Variants in WDR64 observed in about 807,000 individuals in gnomAD.
The protein encoded by WDR64 is WD repeat-containing protein 64.
In WDR64, 112 loss-of-function variants were observed where a neutral mutation model predicts 139.3. That is an observed-to-expected ratio of 0.80 (90% CI 0.69 to 0.94). The LOEUF (loss-of-function observed/expected upper bound fraction) is 0.94. Ranked by LOEUF, WDR64 falls within the 40% of genes least tolerant of loss-of-function variation. The probability of loss-of-function intolerance (pLI) is 0.00; values close to 1 mark genes in which losing one functional copy is unlikely to be tolerated. For missense variants in WDR64, 1,206 were observed against 1,293.1 expected (o/e 0.93, Z 1.03); for synonymous variants, 444 against 437.7 (o/e 1.01, Z -0.18).
chr1:241,775,062 T>TA, intron 20 of WDR64, 43 bp from the exon 21 acceptor site: 1 of 1,445,208 alleles, frequency 6.9e-7, no homozygotes, highest in Non-Finnish European at 9.4e-7. Context: ...TTATAAGACT[T>TA]ACTAGCAAAG....
chr1:241,758,314 CT>C (rs34461998), intron 15 of WDR64, among the ~76,000 whole-genome samples: 22,179 of 145,592 alleles, frequency 0.15, 1,756 homozygotes, highest in African/African-American at 0.19. Flanking sequence ...GACCAGTTGT[CT>C]TTTTTTTTTT....
At chr1:241,751,825 A>G (rs1025519134) in intron 14 of WDR64, among the ~76,000 whole-genome samples, 2 of 152,222 alleles carry the variant, frequency 1.3e-5, no homozygotes, top group African/African-American at 2.4e-5. Flanking sequence ...CTTCATAGAA[A>G]ACAAGAGAAG....
chr1:241,663,561 A>G (rs189388943), intron 2 of WDR64, among the ~76,000 whole-genome samples: 66 of 152,350 alleles, frequency 4.3e-4, no homozygotes, highest in Admixed American at 4.3e-3. Flanking sequence ...CTGGGGTTCG[A>G]AGAATCTAGG....
intron 8 of WDR64, among the ~76,000 whole-genome samples, chr1:241,709,482 G>T (rs1367583055): frequency 1.3e-5 from 2 of 152,068 alleles, no homozygotes; most frequent in Non-Finnish European, 2.9e-5. Context: ...AGGTGCAGGG[G>T]CTCATACTAT....
intron 14 of WDR64, among the ~76,000 whole-genome samples, chr1:241,754,445 G>A (rs1464035730): frequency 6.6e-5 from 10 of 150,614 alleles, no homozygotes; most frequent in African/African-American, 9.8e-5. Flanking sequence ...TCAGCCTCCC[G>A]AGTAGCTGGG....
At chr1:241,780,605 CT>C (rs545506619) in intron 22 of WDR64, among the ~76,000 whole-genome samples, 23 of 152,006 alleles carry the variant, frequency 1.5e-4, no homozygotes, top group African/African-American at 4.8e-4. Context: ...TAAATAGATA[CT>C]TTTTTTTGGA....
intron 10 of WDR64, among the ~76,000 whole-genome samples, chr1:241,728,334 G>A (rs6690965): frequency 0.43 from 64,876 of 150,062 alleles, 13,999 homozygotes; most frequent in South Asian, 0.48. Flanking sequence ...CTCAGTCTCA[G>A]AAAAGAAGAA....
At chr1:241,653,250 G>T (rs886246659) in intron 1 of WDR64, among the ~76,000 whole-genome samples, 1 of 152,144 alleles carries the variant, frequency 6.6e-6, no homozygotes, top group African/African-American at 2.4e-5. Flanking sequence ...AAAGCTACAT[G>T]GCAGAGTGAA....
At chr1:241,662,181 A>G (rs1665857570) in intron 2 of WDR64, among the ~76,000 whole-genome samples, 1 of 152,230 alleles carries the variant, frequency 6.6e-6, no homozygotes, top group Admixed American at 6.5e-5. Context: ...CTACTGTACT[A>G]AATTATCATA....
intron 8 of WDR64, among the ~76,000 whole-genome samples, chr1:241,701,360 A>G (rs1667705551): frequency 6.6e-6 from 1 of 152,178 alleles, no homozygotes; most frequent in Non-Finnish European, 1.5e-5. Flanking sequence ...TTTTTTTCAA[A>G]ATGCATATTT....
At chr1:241,793,101 C>T (rs2148330606) in intron 25 of WDR64, among the ~76,000 whole-genome samples, 1 of 152,252 alleles carries the variant, frequency 6.6e-6, no homozygotes, top group South Asian at 2.1e-4. Context: ...TTTGAAGCAA[C>T]TATTGAATGA....
At chr1:241,738,881 G>C (rs1402652367) in intron 11 of WDR64, among the ~76,000 whole-genome samples, 1 of 152,192 alleles carries the variant, frequency 6.6e-6, no homozygotes, top group East Asian at 1.9e-4. Context: ...GAAGTGGGAT[G>C]TATGTAACTT....
intron 10 of WDR64, among the ~76,000 whole-genome samples, chr1:241,724,480 G>A (rs1201531052): frequency 6.6e-6 from 1 of 152,144 alleles, no homozygotes; most frequent in Non-Finnish European, 1.5e-5. Flanking sequence ...ATTTTGTATA[G>A]GACAGAAATA....
At chr1:241,667,425 C>A (rs1033174783) in intron 2 of WDR64, among the ~76,000 whole-genome samples, 19 of 152,128 alleles carry the variant, frequency 1.2e-4, no homozygotes, top group African/African-American at 4.1e-4. Flanking sequence ...CAAACATGAA[C>A]ATAGACACTG....
rs900318889 is a variant in WDR64 at position 241,675,618 on chromosome 1, A to C, written c.483+871A>C. Among the ~76,000 whole-genome samples, 7 of 152,212 alleles carry C rather than the reference A, an allele frequency of 4.6e-5. No individual in the cohort carries two copies. In the South Asian group the frequency reaches 1.4e-3, roughly 32 times the overall value. On this transcript the variant is annotated intron_variant, in intron 4 of 27. Transcript: ENST00000437684. ...TAAAAGGTCCCATCAGGAACTTTGG[A>C]CTTGAAATAAAAATGAATTGCTCAA...
chr1:241,794,577 C>T (rs536108413), intron 25 of WDR64, among the ~76,000 whole-genome samples: 132 of 128,886 alleles, frequency 1.0e-3, no homozygotes, highest in Middle Eastern at 5.0e-3. Flanking sequence ...GCTGTGATCT[C>T]GGCTCATTGC....
chr1:241,700,853 CA>C (rs1667684869), intron 8 of WDR64, among the ~76,000 whole-genome samples: 3 of 152,172 alleles, frequency 2.0e-5, no homozygotes, highest in Admixed American at 6.5e-5. Context: ...TGCTTACAGT[CA>C]TTTAAGCTTT....
chr1:241,693,943 T>A (rs1410318851), intron 8 of WDR64, among the ~76,000 whole-genome samples: 2 of 152,050 alleles, frequency 1.3e-5, no homozygotes, highest in African/African-American at 4.8e-5. Context: ...AATGGGTGAG[T>A]CGAAAGGAGA....
At chr1:241,759,046 C>T (rs1405168037) in intron 15 of WDR64, among the ~76,000 whole-genome samples, 1 of 151,974 alleles carries the variant, frequency 6.6e-6, no homozygotes, top group Admixed American at 6.6e-5. Context: ...TCTAATGATA[C>T]AAGCATCATT....
Sources: gnomAD v4.1 joint callset for allele counts (sites outside exome capture counted in the v4.1 genomes callset) on GRCh38, gnomAD v4.1.1 for gene constraint, MANE v1.5 for transcripts, NCBI Gene and HGNC (gene_info 2026-07-23, HGNC 2026-07-21) for gene names.